Variants in PCDH15 observed in about 807,000 individuals in gnomAD.
PCDH15 encodes protocadherin-15.
In PCDH15, 129 loss-of-function variants were observed where a neutral mutation model predicts 178.5. That is an observed-to-expected ratio of 0.72 (90% CI 0.63 to 0.84). The LOEUF (loss-of-function observed/expected upper bound fraction) is 0.84, where lower values mean the gene tolerates loss of function less well. Among genes scored for constraint, PCDH15 ranks in the 40% least tolerant of loss-of-function variants. The pLI, the probability that PCDH15 is intolerant of heterozygous loss-of-function variation, is 0.00. For synonymous variants in PCDH15, 800 were observed against 732.0 expected, an observed-to-expected ratio of 1.09 and a Z score of -1.50; for missense variants, 2,230 against 2,099.9, an observed-to-expected ratio of 1.06 and a Z score of -1.21.
chr10:54,168,086 A>C (rs2046454409), intron 13 of PCDH15, among the ~76,000 whole-genome samples: 1 of 151,472 alleles, frequency 6.6e-6, no homozygotes, highest in African/African-American at 2.4e-5. Flanking sequence ...TCTTCAACTC[A>C]CACCTGACCT....
intron 2 of PCDH15, among the ~76,000 whole-genome samples, chr10:55,591,929 T>C (rs1010368866): frequency 2.6e-5 from 4 of 152,192 alleles, no homozygotes; most frequent in Admixed American, 6.6e-5. Context: ...GACATATATG[T>C]ATACATGCTA....
intron 26 of PCDH15, among the ~76,000 whole-genome samples, chr10:53,877,554 T>C (rs1364082918): frequency 6.6e-6 from 1 of 152,206 alleles, no homozygotes; most frequent in Non-Finnish European, 1.5e-5. Context: ...ACATACTTGT[T>C]ATTTTTGAAC....
intron 2 of PCDH15, among the ~76,000 whole-genome samples, chr10:55,497,552 G>A (rs1840562673): frequency 6.6e-6 from 1 of 151,710 alleles, no homozygotes; most frequent in South Asian, 2.1e-4. Flanking sequence ...TAAAATTTCA[G>A]CCATTAAAAT....
intron 9 of PCDH15, among the ~76,000 whole-genome samples, chr10:54,230,177 C>T (rs1328166391): frequency 6.6e-6 from 1 of 151,718 alleles, no homozygotes; most frequent in African/African-American, 2.4e-5. Context: ...AAATAATTTC[C>T]AAAATGTAGA....
chr10:55,550,077 T>C (rs1841973856), intron 2 of PCDH15, among the ~76,000 whole-genome samples: 1 of 152,162 alleles, frequency 6.6e-6, no homozygotes, highest in Non-Finnish European at 1.5e-5. Flanking sequence ...ATTTTATTTT[T>C]CTTGTTTTAT....
intron 21 of PCDH15, among the ~76,000 whole-genome samples, chr10:53,974,676 A>C (rs2134497490): frequency 6.6e-6 from 1 of 152,214 alleles, no homozygotes; most frequent in African/African-American, 2.4e-5. Context: ...TGGCTGCCTT[A>C]GTGATCACTC....
chr10:53,924,419 G>A (rs879535631), intron 25 of PCDH15, among the ~76,000 whole-genome samples: 10 of 152,324 alleles, frequency 6.6e-5, no homozygotes, highest in South Asian at 2.1e-4. Flanking sequence ...GCCTCCCTGC[G>A]GGGCAAGGCT....
chr10:54,159,241 T>C (rs900457459), intron 13 of PCDH15, among the ~76,000 whole-genome samples: 8 of 152,276 alleles, frequency 5.3e-5, no homozygotes, highest in South Asian at 2.1e-4. Context: ...TGGGGAGCAA[T>C]TGGCAAAAAA....
intron 2 of PCDH15, among the ~76,000 whole-genome samples, chr10:55,580,037 A>G (rs1400748633): frequency 6.6e-6 from 1 of 151,940 alleles, no homozygotes; most frequent in South Asian, 2.1e-4. Context: ...TTGTATTTTT[A>G]GTAGAGACAG....
chr10:54,905,679 C>G, intron 2 of PCDH15, among the ~76,000 whole-genome samples: 1 of 152,042 alleles, frequency 6.6e-6, no homozygotes, highest in East Asian at 1.9e-4. Flanking sequence ...TGCTATAATC[C>G]TTAGAAAGCT....
intron 2 of PCDH15, chr10:54,575,191 C>T (rs1045495638): frequency 6.8e-6 from 1 of 147,382 alleles, no homozygotes; most frequent in Non-Finnish European, 1.5e-5. Flanking sequence ...GGGAGATATA[C>T]CTAATGCTAG....
At position 53,870,851 on chromosome 10, in the gene PCDH15, G is replaced by A. The variant is rs186415785; in HGVS notation, c.3502-3994C>T. Among the ~76,000 whole-genome samples the A allele has an allele frequency of 3.3e-5, 5 of 152,246 alleles. No individual in the cohort carries two copies. In the East Asian group the frequency reaches 7.7e-4, roughly 23 times the overall value. On this transcript the variant is annotated intron_variant, in intron 26 of 37. Transcript: ENST00000644397. ...TAAATACACACTGAGTCACACCAGA[G>A]ATACCAATAATAAAATTCAGAGCGC...
At position 55,059,849 on chromosome 10, in the gene PCDH15, T is replaced by A. The variant is rs138877646; in HGVS notation, c.-80+106727A>T. ...TTATTTAATGATCTTGTTGAAACAA[T>A]CATAATATTGCATGCGATTTTAAAA... On this transcript the variant is annotated intron_variant, in intron 2 of 5. Transcript: ENST00000458638. Among the ~76,000 whole-genome samples, 1,041 of 152,190 alleles carry A rather than the reference T, an allele frequency of 6.8e-3. 9 individuals are homozygous for A. The highest frequency in any genetic ancestry group is 0.027 in the Middle Eastern group (8 of 294).
At chr10:55,115,408 C>T (rs1047449852) in intron 2 of PCDH15, among the ~76,000 whole-genome samples, 2 of 152,158 alleles carry the variant, frequency 1.3e-5, no homozygotes, top group East Asian at 1.9e-4. Context: ...AAGCATTCAG[C>T]GTTGGAACAA....
intron 3 of PCDH15, among the ~76,000 whole-genome samples, chr10:54,519,731 C>T (rs911879904): frequency 6.6e-6 from 1 of 152,052 alleles, no homozygotes; most frequent in Non-Finnish European, 1.5e-5. Flanking sequence ...TCATATGGAA[C>T]CAAAAAAGAG....
intron 15 of PCDH15, among the ~76,000 whole-genome samples, chr10:54,097,152 A>G (rs2102356): frequency 0.072 from 10,979 of 152,090 alleles, 1,149 homozygotes; most frequent in African/African-American, 0.22. Context: ...ACCATTTTCA[A>G]TGCAGCATCC....
chr10:55,388,047 A>T (rs945404766), intron 2 of PCDH15, among the ~76,000 whole-genome samples: 1 of 152,100 alleles, frequency 6.6e-6, no homozygotes, highest in African/African-American at 2.4e-5. Context: ...TGTCAGACAC[A>T]TTATTGTGTC....
chr10:53,842,632 T>C (rs2132802970), intron 28 of PCDH15, among the ~76,000 whole-genome samples: 1 of 152,326 alleles, frequency 6.6e-6, no homozygotes, highest in African/African-American at 2.4e-5. Context: ...ACACAGTTCC[T>C]AGCACATAGT....
chr10:55,093,343 T>C (rs567567256), intron 2 of PCDH15, among the ~76,000 whole-genome samples: 4 of 152,082 alleles, frequency 2.6e-5, no homozygotes, highest in Non-Finnish European at 5.9e-5. Flanking sequence ...TGGTGGTTTT[T>C]TTCAAGATGC....
Sources: allele counts gnomAD v4.1 joint callset (sites outside exome capture counted in the v4.1 genomes callset), GRCh38; gene constraint gnomAD v4.1.1; transcripts MANE v1.5; gene names NCBI Gene and HGNC (gene_info 2026-07-23, HGNC 2026-07-21).